Variants in GPATCH2 observed in about 807,000 individuals in gnomAD.
The protein encoded by GPATCH2 is G-patch domain containing 2.
In GPATCH2, 51 loss-of-function variants were observed where a neutral mutation model predicts 58.0. The ratio of observed to expected loss-of-function variants is 0.88; its 90% confidence interval spans 0.70 to 1.11. The LOEUF is 1.11. Ranked by LOEUF, GPATCH2 falls within the 50% of genes most tolerant of loss-of-function variation. The pLI is 0.00. For synonymous variants in GPATCH2, 222 were observed against 218.5 expected (o/e 1.02, Z -0.14); for missense variants, 625 against 652.2 (o/e 0.96, Z 0.45).
In GPATCH2 at chr1:217,429,603, G is replaced by A. The variant is rs13375229; in HGVS notation, c.*1542C>T. ...AGCTCTTTGGGAGGCCAAGGTGGGC[G>A]GATCACTTGAGGTCAGGAGTTCGAG... is the stretch of plus-strand genomic sequence containing the variant. On this transcript the variant is annotated 3_prime_UTR_variant, in exon 10 of 10. Transcript: ENST00000366935. 0.29 allele frequency: 44,161 copies of A among 151,816 alleles called. 6,683 individuals carry two copies. Among genetic ancestry groups the A allele is most frequent in the Middle Eastern group, 0.38 (112 of 292 alleles). 9.4% of individuals were successfully genotyped at this position (151,816 alleles called of 1,614,324 possible).
chr1:217,617,854 T>C (rs925741844), intron 2 of GPATCH2, among the ~76,000 whole-genome samples: 1 of 152,258 alleles, frequency 6.6e-6, no homozygotes, highest in Non-Finnish European at 1.5e-5. Flanking sequence ...TCATGCCTAG[T>C]AGATACTCAA....
intron 9 of GPATCH2, among the ~76,000 whole-genome samples, chr1:217,442,522 A>G (rs935584771): frequency 6.6e-6 from 1 of 152,202 alleles, no homozygotes; most frequent in Non-Finnish European, 1.5e-5. Context: ...AACATTTTCT[A>G]TTACATCATT....
intron 9 of GPATCH2, among the ~76,000 whole-genome samples, chr1:217,447,575 G>T (rs1013037927): frequency 3.9e-5 from 6 of 152,126 alleles, no homozygotes; most frequent in African/African-American, 1.4e-4. Context: ...GTACACAGTA[G>T]GTACTCAACA....
chr1:217,488,831 A>G (rs747494909), intron 8 of GPATCH2, among the ~76,000 whole-genome samples: 1 of 151,766 alleles, frequency 6.6e-6, no homozygotes, highest in Non-Finnish European at 1.5e-5. Flanking sequence ...AGCTGGGACT[A>G]CAGACATGCA....
At chr1:217,584,654 A>G (rs1667254508) in intron 5 of GPATCH2, among the ~76,000 whole-genome samples, 1 of 152,108 alleles carries the variant, frequency 6.6e-6, no homozygotes, top group Admixed American at 6.6e-5. Flanking sequence ...CATCAGAGGC[A>G]TGGAAGCAAC....
At chr1:217,581,509 C>T (rs752223923) in intron 5 of GPATCH2, among the ~76,000 whole-genome samples, 10 of 152,162 alleles carry the variant, frequency 6.6e-5, no homozygotes, top group Non-Finnish European at 1.5e-4. Flanking sequence ...CGATGCAAGG[C>T]AAAGCCAGAG....
intron 5 of GPATCH2, among the ~76,000 whole-genome samples, chr1:217,587,077 T>G (rs1667375220): frequency 6.6e-6 from 1 of 152,120 alleles, no homozygotes; most frequent in African/African-American, 2.4e-5. Flanking sequence ...TCTGCAACTT[T>G]GGATGATTTT....
chr1:217,621,998 G>A (rs894476784), intron 1 of GPATCH2, among the ~76,000 whole-genome samples: 4 of 152,186 alleles, frequency 2.6e-5, no homozygotes, highest in African/African-American at 9.7e-5. Flanking sequence ...CGTCTAAGTA[G>A]TGGAGACAGG....
chr1:217,530,061 TG>T (rs1383521222), intron 5 of GPATCH2, among the ~76,000 whole-genome samples: 2 of 152,232 alleles, frequency 1.3e-5, no homozygotes, highest in African/African-American at 2.4e-5. Context: ...ATAACCTTTG[TG>T]GTAAGTCTAG....
intron 5 of GPATCH2, among the ~76,000 whole-genome samples, chr1:217,571,076 A>T (rs1006515188): frequency 1.3e-5 from 2 of 152,222 alleles, no homozygotes; most frequent in African/African-American, 4.8e-5. Context: ...AAAGTCTCAG[A>T]ATGAAGAAAT....
chr1:217,492,160 T>C (rs1200592198), intron 7 of GPATCH2, among the ~76,000 whole-genome samples: 4 of 152,184 alleles, frequency 2.6e-5, no homozygotes, highest in Non-Finnish European at 4.4e-5. Flanking sequence ...GCCTTCACTG[T>C]TGCATTCAGC....
chr1:217,525,799 C>T (rs986231802), intron 5 of GPATCH2, among the ~76,000 whole-genome samples: 1 of 152,010 alleles, frequency 6.6e-6, no homozygotes, highest in African/African-American at 2.4e-5. Context: ...GAGGACATAA[C>T]AAATTATTAA....
intron 9 of GPATCH2, among the ~76,000 whole-genome samples, chr1:217,443,449 T>C (rs1659241245): frequency 1.3e-5 from 2 of 152,228 alleles, no homozygotes; most frequent in Non-Finnish European, 2.9e-5. Flanking sequence ...CCTTGGCTGC[T>C]CTTAAGTCAT....
chr1:217,472,931 A>G (rs916075922), intron 8 of GPATCH2, among the ~76,000 whole-genome samples: 1 of 151,984 alleles, frequency 6.6e-6, no homozygotes, highest in Non-Finnish European at 1.5e-5. Flanking sequence ...ATGCCCTTCA[A>G]CTCTTTAGCA....
At chr1:217,563,499 C>T (rs904857647) in intron 5 of GPATCH2, among the ~76,000 whole-genome samples, 8 of 151,958 alleles carry the variant, frequency 5.3e-5, no homozygotes, top group Non-Finnish European at 7.4e-5. Flanking sequence ...CCTATATATC[C>T]ACAAGAAAGA....
chr1:217,598,724 C>T (rs1179090386), intron 5 of GPATCH2, among the ~76,000 whole-genome samples: 1 of 152,130 alleles, frequency 6.6e-6, no homozygotes, highest in Non-Finnish European at 1.5e-5. Flanking sequence ...CTCAGCCTCC[C>T]AAAGTGCTGG....
intron 9 of GPATCH2, among the ~76,000 whole-genome samples, chr1:217,448,748 A>G (rs555170455): frequency 4.3e-4 from 66 of 152,276 alleles, no homozygotes; most frequent in African/African-American, 1.5e-3. Flanking sequence ...TCTAGTACTA[A>G]TGTTGTCTAA....
chr1:217,468,968 A>G (rs1214258920), intron 8 of GPATCH2, among the ~76,000 whole-genome samples: 1 of 152,188 alleles, frequency 6.6e-6, no homozygotes, highest in Non-Finnish European at 1.5e-5. Flanking sequence ...GTGAAAAAGC[A>G]TCTTTTCAAT....
chr1:217,461,486 A>G (rs1441027559), intron 8 of GPATCH2, among the ~76,000 whole-genome samples: 1 of 152,224 alleles, frequency 6.6e-6, no homozygotes, highest in Non-Finnish European at 1.5e-5. Context: ...TATTTCTTTA[A>G]GTACATTTTC....
Sources: allele counts gnomAD v4.1 joint callset (sites outside exome capture counted in the v4.1 genomes callset), GRCh38; gene constraint gnomAD v4.1.1; transcripts MANE v1.5; gene names NCBI Gene and HGNC (gene_info 2026-07-23, HGNC 2026-07-21).